The following CNTNAP2 variants were observed in gnomAD, a reference collection of about 807,000 sequenced individuals.
CNTNAP2 encodes contactin-associated protein-like 2.
CNTNAP2 carries 98 observed loss-of-function variants against 155.2 expected under a neutral mutation model. The ratio of observed to expected loss-of-function variants is 0.63; its 90% CI spans 0.54 to 0.75. The LOEUF (loss-of-function observed/expected upper bound fraction) is 0.75, where lower values mean the gene tolerates loss of function less well. CNTNAP2 is among the 30% of genes least tolerant of loss of function. The pLI is 0.00. For missense variants in CNTNAP2, 1,727 were observed against 1,688.1 expected (o/e 1.02, Z -0.40); for synonymous variants, 651 against 631.2 (o/e 1.03, Z -0.47).
At chr7:146,565,545 T>C (rs1798345153) in intron 1 of CNTNAP2, among the ~76,000 whole-genome samples, 1 of 152,192 alleles carries the variant, frequency 6.6e-6, no homozygotes. Context: ...GCTTTTTTAT[T>C]CTGTTTGAAG....
At chr7:146,752,470 G>GT (rs1489030322) in intron 1 of CNTNAP2, among the ~76,000 whole-genome samples, 1 of 152,010 alleles carries the variant, frequency 6.6e-6, no homozygotes, top group Admixed American at 6.6e-5. Flanking sequence ...TGACGGGGTT[G>GT]TTTTTTGCTT....
intron 13 of CNTNAP2, among the ~76,000 whole-genome samples, chr7:147,869,238 C>A (rs1337666479): frequency 6.6e-6 from 1 of 152,170 alleles, no homozygotes; most frequent in African/African-American, 2.4e-5. Flanking sequence ...TGACACAGTG[C>A]ATTATCAAAT....
At chr7:147,106,998 C>T (rs1800778490) in intron 4 of CNTNAP2, among the ~76,000 whole-genome samples, 1 of 152,124 alleles carries the variant, frequency 6.6e-6, no homozygotes, top group South Asian at 2.1e-4. Flanking sequence ...GTTCTTTAGC[C>T]AGACCTTACC....
intron 21 of CNTNAP2, among the ~76,000 whole-genome samples, chr7:148,324,841 A>G (rs1797862656): frequency 6.6e-6 from 1 of 151,172 alleles, no homozygotes; most frequent in Non-Finnish European, 1.5e-5. Context: ...GTACTATGCT[A>G]GATACCCAGC....
chr7:146,648,889 C>T (rs1303684769), intron 1 of CNTNAP2, among the ~76,000 whole-genome samples: 1 of 151,962 alleles, frequency 6.6e-6, no homozygotes, highest in Non-Finnish European at 1.5e-5. Flanking sequence ...GGCTGATTAC[C>T]ATACTTCATA....
chr7:146,896,458 T>G (rs1043939143), intron 3 of CNTNAP2, among the ~76,000 whole-genome samples: 1 of 152,058 alleles, frequency 6.6e-6, no homozygotes, highest in Non-Finnish European at 1.5e-5. Context: ...TACCTCTACA[T>G]TTAACAGTTT....
chr7:148,102,923 G>C (rs1218000210), intron 15 of CNTNAP2, among the ~76,000 whole-genome samples: 1 of 152,220 alleles, frequency 6.6e-6, no homozygotes, highest in Non-Finnish European at 1.5e-5. Context: ...AAGGTGGTCA[G>C]GGCATAGCTT....
At chr7:147,161,394 A>G (rs1403967790) in intron 8 of CNTNAP2, among the ~76,000 whole-genome samples, 1 of 152,144 alleles carries the variant, frequency 6.6e-6, no homozygotes, top group African/African-American at 2.4e-5. Context: ...GTATATTAAC[A>G]TATAGATATG....
chr7:147,913,787 C>T (rs1388798063), intron 14 of CNTNAP2, among the ~76,000 whole-genome samples: 1 of 152,118 alleles, frequency 6.6e-6, no homozygotes, highest in Non-Finnish European at 1.5e-5. Flanking sequence ...ATGAAAAGAG[C>T]GTGTCTCCAG....
chr7:147,103,872 A>G (rs1800702860), intron 4 of CNTNAP2, among the ~76,000 whole-genome samples: 1 of 152,118 alleles, frequency 6.6e-6, no homozygotes, highest in Admixed American at 6.6e-5. Context: ...GAAAGATTCT[A>G]CAAAGCACCT....
At chr7:147,878,910 T>C (rs1799471638) in intron 13 of CNTNAP2, among the ~76,000 whole-genome samples, 1 of 152,182 alleles carries the variant, frequency 6.6e-6, no homozygotes. Context: ...ATGAAGATGT[T>C]AGTTAATATT....
chr7:146,720,051 G>A (rs1337626252), intron 1 of CNTNAP2, among the ~76,000 whole-genome samples: 1 of 151,900 alleles, frequency 6.6e-6, no homozygotes, highest in Non-Finnish European at 1.5e-5. Context: ...TTTTTTCTCA[G>A]TTTTCACCAC....
intron 15 of CNTNAP2, among the ~76,000 whole-genome samples, chr7:148,025,498 C>T (rs1802359275): frequency 6.6e-6 from 1 of 152,146 alleles, no homozygotes; most frequent in African/African-American, 2.4e-5. Flanking sequence ...CTTGGCTGGC[C>T]CTGCAATAAT....
At chr7:147,133,185 C>A (rs1801410719) in intron 8 of CNTNAP2, among the ~76,000 whole-genome samples, 1 of 151,928 alleles carries the variant, frequency 6.6e-6, no homozygotes, top group Non-Finnish European at 1.5e-5. Flanking sequence ...AAATACAGTA[C>A]AAAGAAAGGT....
At chr7:148,086,466 G>A (rs1231755536) in intron 15 of CNTNAP2, among the ~76,000 whole-genome samples, 1 of 152,048 alleles carries the variant, frequency 6.6e-6, no homozygotes, top group Non-Finnish European at 1.5e-5. Context: ...TAAAAATTTT[G>A]ATGTATCTAA....
intron 11 of CNTNAP2, among the ~76,000 whole-genome samples, chr7:147,506,575 C>G (rs541122817): frequency 1.3e-5 from 2 of 152,124 alleles, no homozygotes; most frequent in African/African-American, 4.8e-5. Context: ...GATTTTGACA[C>G]GTCCTTCCAG....
chr7:148,009,584 A>G (rs1369816526), intron 15 of CNTNAP2, among the ~76,000 whole-genome samples: 1 of 152,102 alleles, frequency 6.6e-6, no homozygotes, highest in African/African-American at 2.4e-5. Flanking sequence ...AGTAACTGAA[A>G]TTTATGCATA....
At chr7:147,779,376 C>T (rs1020155701) in intron 13 of CNTNAP2, among the ~76,000 whole-genome samples, 1 of 151,974 alleles carries the variant, frequency 6.6e-6, no homozygotes, top group African/African-American at 2.4e-5. Context: ...CCACACAAGA[C>T]CAATGGCAAT....
intron 1 of CNTNAP2, among the ~76,000 whole-genome samples, chr7:146,415,391 A>G (rs1340545310): frequency 6.6e-6 from 1 of 152,208 alleles, no homozygotes; most frequent in Non-Finnish European, 1.5e-5. Flanking sequence ...TTAGGAATTA[A>G]TTTCAAACAC....
Sources: allele counts gnomAD v4.1 joint callset (sites outside exome capture counted in the v4.1 genomes callset), GRCh38; gene constraint gnomAD v4.1.1; transcripts MANE v1.5; gene names NCBI Gene and HGNC (gene_info 2026-07-23, HGNC 2026-07-21).